PTBP3: variants seen among roughly 807,000 people sequenced by gnomAD.
PTBP3 encodes the protein polypyrimidine tract binding protein 3.
PTBP3 carries 20 observed loss-of-function variants against 58.7 expected under a neutral mutation model. The ratio of observed to expected loss-of-function variants is 0.34; its 90% CI spans 0.24 to 0.50. PTBP3 has a LOEUF of 0.50. Ranked by LOEUF, PTBP3 falls within the 20% of genes least tolerant of loss-of-function variation. PTBP3 has a pLI of 0.98. For missense variants in PTBP3, 509 were observed against 637.2 expected (o/e 0.80, Z 2.17); for synonymous variants, 185 against 219.8 (o/e 0.84, Z 1.40).
At chr9:112,274,564 C>T (rs1827528170) in intron 3 of PTBP3, among the ~76,000 whole-genome samples, 1 of 152,132 alleles carries the variant, frequency 6.6e-6, no homozygotes, top group African/African-American at 2.4e-5. Flanking sequence ...TATTTTTTGT[C>T]ATGGTCACCA....
chr9:112,222,665 T>C lies in PTBP3; in HGVS notation c.*1186A>G. 2 of 985,390 alleles carry C rather than the reference T, an allele frequency of 2.0e-6. No homozygotes were observed. The highest frequency in any genetic ancestry group is 2.4e-6 in the Non-Finnish European group (2 of 829,616). 61.0% of individuals were successfully genotyped at this position (985,390 alleles called of 1,614,324 possible). A position where few individuals can be genotyped will look rare whatever the true frequency, so the allele number is the denominator to read the frequency against. ...ATTACTTATTGAAAACCACTTAAAATTGCAATGAAAAAAATTTTAAATCCT... is the reference window on the plus strand; with the variant it reads ...ATTACTTATTGAAAACCACTTAAAACTGCAATGAAAAAAATTTTAAATCCT... On this transcript the variant is annotated 3_prime_UTR_variant, in exon 14 of 14. Transcript: ENST00000374257.
At chr9:112,344,509 A>G in the PTBP3 span, among the ~76,000 whole-genome samples, 1 of 152,180 alleles carries the variant, frequency 6.6e-6, no homozygotes, top group African/African-American at 2.4e-5. Flanking sequence ...CCCCCACCAG[A>G]TGCAGCTGTC....
Position 112,223,596 on chromosome 9 carries a change from T to A in PTBP3, c.*255A>T, listed in dbSNP as rs545553962. On this transcript the variant is annotated 3_prime_UTR_variant, in exon 14 of 14. Coordinates refer to ENST00000374257, the MANE Select transcript of PTBP3 (RefSeq NM_001163788.4). ...AGGGAATAAGATTATTGAAAAAAAATTTTTTTCCTGATTTTCTTTTTCCTG... is the reference window on the plus strand; with the variant it reads ...AGGGAATAAGATTATTGAAAAAAAAATTTTTTCCTGATTTTCTTTTTCCTG... 212 of 1,158,480 alleles carry A rather than the reference T, an allele frequency of 1.8e-4. No homozygotes were observed. Among genetic ancestry groups the A allele is most frequent in the African/African-American group, 7.2e-4 (45 of 62,116 alleles). The allele number at this position is 1,158,480 out of a possible 1,614,324, so 71.8% of individuals were successfully genotyped here.
chr9:112,362,219 G>A, the PTBP3 span, among the ~76,000 whole-genome samples: 1 of 152,138 alleles, frequency 6.6e-6, no homozygotes, highest in African/African-American at 2.4e-5. Flanking sequence ...GAGGCTGAGA[G>A]GGGAGGATAA....
the PTBP3 span, among the ~76,000 whole-genome samples, chr9:112,370,289 C>T: frequency 6.6e-6 from 1 of 152,146 alleles, no homozygotes; most frequent in African/African-American, 2.4e-5. Context: ...TGCCTGTAAT[C>T]CCAGCACTTT....
chr9:112,347,532 AG>A, the PTBP3 span, among the ~76,000 whole-genome samples: 2 of 150,494 alleles, frequency 1.3e-5, no homozygotes, highest in Non-Finnish European at 2.9e-5. Flanking sequence ...TTGTGGAAAC[AG>A]GGTTCTGCCG....
chr9:112,316,357 T>C (rs1829702298), intron 1 of PTBP3, among the ~76,000 whole-genome samples: 1 of 152,180 alleles, frequency 6.6e-6, no homozygotes, highest in Non-Finnish European at 1.5e-5. Flanking sequence ...TTTACATATT[T>C]ATAAGAAGCA....
At chr9:112,372,422 T>C in the PTBP3 span, among the ~76,000 whole-genome samples, 1 of 152,210 alleles carries the variant, frequency 6.6e-6, no homozygotes, top group African/African-American at 2.4e-5. Context: ...GGAATTCACA[T>C]ATGAAATTAA....
rs746210299 is a variant in PTBP3, at chr9:112,251,060, C to A, written c.671G>T (p.Arg224Leu). 4 of 1,611,382 alleles carry A rather than the reference C, an allele frequency of 2.5e-6. No individual in the cohort carries two copies. Among genetic ancestry groups the A allele is most frequent in the East Asian group, 2.2e-5 (1 of 44,748 alleles). The change falls in exon 7 of 14, where the codon CGC becomes CTC. Residue 224 changes from arginine to leucine, a missense_variant. Physicochemically the swap from Arg to Leu is moderately radical, Grantham distance 102 (BLOSUM62 -2). This residue lies in a region of PTBP3 where 41 missense variants were observed against 78.0 expected (regional missense o/e 0.53). Transcript: ENST00000374257. Reference protein sequence around the residue: ...QNIYNACCTLRIDFSKLTSLN... With the variant: ...QNIYNACCTLLIDFSKLTSLN... ...GCTGGTGAGCTTGGAGAAGTCAATG[C>A]GCAGAGTGCAGCATGCATTATAGAT... is the stretch of plus-strand genomic sequence containing the variant.
In PTBP3 at chr9:112,312,582, G is replaced by A. The variant is rs539016511; in HGVS notation, c.-51-14666C>T. ...TGGAAGGGGAAATGGTAAGACAATC[G>A]GGGAAATGATAAATGAAAAATGGTG... On this transcript the variant is annotated intron_variant, in intron 1 of 13. Coordinates refer to ENST00000374257, the MANE Select transcript of PTBP3 (RefSeq NM_001163788.4). Among the ~76,000 whole-genome samples the A allele has an allele frequency of 2.4e-4, 11 of 45,120 alleles. No homozygotes were observed. The East Asian group carries it at 3.8e-3, about 16-fold the overall frequency. The allele number at this position is 45,120 out of a possible 152,430, so 29.6% of individuals were successfully genotyped here.
intron 1 of PTBP3, among the ~76,000 whole-genome samples, chr9:112,311,856 G>A (rs1829493524): frequency 6.6e-6 from 1 of 152,200 alleles, no homozygotes; most frequent in Non-Finnish European, 1.5e-5. Context: ...GCTGAAGCAA[G>A]AGGATCATCA....
At chr9:112,277,280 A>T (rs1827648199) in intron 2 of PTBP3, among the ~76,000 whole-genome samples, 1 of 152,222 alleles carries the variant, frequency 6.6e-6, no homozygotes, top group Non-Finnish European at 1.5e-5. Flanking sequence ...ACCTTTATAT[A>T]GCAAATGCCT....
intron 1 of PTBP3, chr9:112,333,159 G>T: frequency 4.2e-6 from 5 of 1,203,564 alleles, no homozygotes; most frequent in Non-Finnish European, 4.2e-6. Flanking sequence ...CTCGGGGCGC[G>T]GAGGGCGGAC....
At chr9:112,332,740 T>G in intron 1 of PTBP3, 3 of 1,608,126 alleles carry the variant, frequency 1.9e-6, no homozygotes, top group Non-Finnish European at 2.5e-6. Context: ...TTTTGAGCAT[T>G]TGAAATGCCC....
At chr9:112,273,999 C>T (rs1260930822) in intron 3 of PTBP3, among the ~76,000 whole-genome samples, 1 of 152,184 alleles carries the variant, frequency 6.6e-6, no homozygotes, top group African/African-American at 2.4e-5. Flanking sequence ...CTTTCACAGG[C>T]AATTAGCCAT....
intron 1 of PTBP3, among the ~76,000 whole-genome samples, chr9:112,316,757 A>G (rs986245504): frequency 6.7e-6 from 1 of 149,800 alleles, no homozygotes; most frequent in Non-Finnish European, 1.5e-5. Context: ...TTTAATGCTA[A>G]GGTCAGGAGG....
intron 11 of PTBP3, among the ~76,000 whole-genome samples, chr9:112,228,009 G>A (rs1835057866): frequency 6.6e-6 from 1 of 152,072 alleles, no homozygotes; most frequent in Admixed American, 6.6e-5. Context: ...ACCCTTTCTT[G>A]TATCATCATT....
At chr9:112,330,478 T>C (rs766708878) in intron 1 of PTBP3, 36 of 1,523,400 alleles carry the variant, frequency 2.4e-5, no homozygotes, top group East Asian at 1.2e-4. Context: ...AACAACACTG[T>C]ATGGAAAAAG....
chr9:112,246,795 A>T (rs1019593149), intron 7 of PTBP3, among the ~76,000 whole-genome samples: 2 of 152,216 alleles, frequency 1.3e-5, no homozygotes, highest in Non-Finnish European at 2.9e-5. Context: ...GAATAGTAAC[A>T]TTACAGGGAA....
Sources: allele counts gnomAD v4.1 joint callset (sites outside exome capture counted in the v4.1 genomes callset), GRCh38; gene constraint gnomAD v4.1.1; regional missense constraint gnomAD v4.1.1; transcripts MANE v1.5; gene names NCBI Gene and HGNC (gene_info 2026-07-23, HGNC 2026-07-21).